The following NRXN1 variants were observed in gnomAD, a reference collection of about 807,000 sequenced individuals.
NRXN1 encodes neurexin 1, also known as neurexin-1.
In NRXN1, 39 loss-of-function variants were observed where a neutral mutation model predicts 150.9. The observed-to-expected ratio is 0.26, with a 90% confidence interval of 0.20 to 0.34. The LOEUF (loss-of-function observed/expected upper bound fraction) is 0.34, where lower values mean the gene tolerates loss of function less well. Among genes scored for constraint, NRXN1 ranks in the 10% least tolerant of loss-of-function variants. The pLI is 1.00. For missense variants in NRXN1, 1,815 were observed against 1,949.9 expected (o/e 0.93, Z 1.30); for synonymous variants, 924 against 757.0 (o/e 1.22, Z -3.62).
At chr2:50,428,451 G>A (rs2084680818) in intron 17 of NRXN1, among the ~76,000 whole-genome samples, 1 of 152,050 alleles carries the variant, frequency 6.6e-6, no homozygotes, top group African/African-American at 2.4e-5. Context: ...ACAAAATATG[G>A]TACACATTTT....
chr2:50,062,826 T>C (rs769359279), intron 19 of NRXN1, among the ~76,000 whole-genome samples: 4 of 152,162 alleles, frequency 2.6e-5, no homozygotes, highest in Non-Finnish European at 5.9e-5. Context: ...GCATTTGATA[T>C]GACATATTAA....
At chr2:50,066,753 C>A (rs56088150) in intron 19 of NRXN1, among the ~76,000 whole-genome samples, 1 of 152,024 alleles carries the variant, frequency 6.6e-6, no homozygotes, top group Non-Finnish European at 1.5e-5. Flanking sequence ...CACTGAAAAT[C>A]GGCAAGAATT....
intron 5 of NRXN1, among the ~76,000 whole-genome samples, chr2:50,667,723 T>G (rs1215405847): frequency 6.6e-6 from 1 of 152,000 alleles, no homozygotes; most frequent in Non-Finnish European, 1.5e-5. Flanking sequence ...ACTGTATCCC[T>G]TCTTATCTTT....
In NRXN1 at chr2:50,273,146, G is replaced by T. The variant is rs1273116570; in HGVS notation, c.3365-36176C>A. On this transcript the variant is annotated intron_variant, in intron 17 of 22. Transcript: ENST00000401669. ...CAAATATTGAAAAGATTGACAGAGA[G>T]CGTTGGGCAACTCTCAACACTGTTC... Among the ~76,000 whole-genome samples the T allele has an allele frequency of 2.0e-5, 3 of 152,170 alleles. No individual in the cohort carries two copies. The South Asian group carries it at 6.2e-4, about 31-fold the overall frequency.
In NRXN1 at chr2:50,803,013, G is replaced by T. The variant is rs1479244634; in HGVS notation, c.832+118856C>A. ...CAACTATGAAATGATAGTTTCTTTT[G>T]CTGTAAGTCACCCAGCTTTTGGTAC... On this transcript the variant is annotated intron_variant, in intron 5 of 22. Coordinates refer to ENST00000401669, the MANE Select transcript of NRXN1 (RefSeq NM_001330078.2). 3.9e-5 allele frequency among the ~76,000 whole-genome samples: 6 copies of T among 152,218 alleles called. No individual in the cohort carries two copies. The East Asian group carries it at 1.2e-3, about 29-fold the overall frequency.
At chr2:50,403,872 T>A (rs962520972) in intron 17 of NRXN1, among the ~76,000 whole-genome samples, 7 of 152,108 alleles carry the variant, frequency 4.6e-5, no homozygotes, top group African/African-American at 7.2e-5. Context: ...GGGCCGTAGC[T>A]TCCATTAAAA....
chr2:50,929,057 T>C (rs1489114656), intron 2 of NRXN1, among the ~76,000 whole-genome samples: 1 of 152,056 alleles, frequency 6.6e-6, no homozygotes, highest in African/African-American at 2.4e-5. Context: ...ATGCTATGAA[T>C]AATGGCTGTG....
At chr2:50,472,556 T>C (rs2089601999) in intron 15 of NRXN1, 85 bp from the exon 16 acceptor site, 2 of 1,048,584 alleles carry the variant, frequency 1.9e-6, no homozygotes, top group South Asian at 1.7e-5. Flanking sequence ...AACAGGGAGG[T>C]TTATTTTTCA....
At chr2:50,113,825 C>A (rs992049532) in intron 18 of NRXN1, among the ~76,000 whole-genome samples, 4 of 152,118 alleles carry the variant, frequency 2.6e-5, no homozygotes, top group African/African-American at 9.7e-5. Context: ...ATGAAACTCC[C>A]AAGTTTCAGT....
chr2:50,276,235 A>G (rs2070446643), intron 17 of NRXN1, among the ~76,000 whole-genome samples: 1 of 152,060 alleles, frequency 6.6e-6, no homozygotes, highest in African/African-American at 2.4e-5. Flanking sequence ...TCACCTTATC[A>G]AAACCACACA....
At chr2:50,178,104 A>G (rs1048668418) in intron 18 of NRXN1, among the ~76,000 whole-genome samples, 7 of 152,070 alleles carry the variant, frequency 4.6e-5, no homozygotes, top group African/African-American at 1.4e-4. Context: ...TGTGTTTCAG[A>G]TTAGGGTAGT....
Position 51,023,512 on chromosome 2 carries a change from T to C in NRXN1, c.772+3990A>G, listed in dbSNP as rs148279726. Among the ~76,000 whole-genome samples the C allele has an allele frequency of 5.3e-4, 80 of 152,298 alleles. No homozygotes were observed. The East Asian group carries it at 0.015, about 29-fold the overall frequency. ...CTTAATTTGGTTAATTCTTTCTCAC[T>C]TTTTCAGATTTCAGTTTAATAATCA... On this transcript the variant is annotated intron_variant, in intron 2 of 22. Transcript: ENST00000401669.
At chr2:50,392,824 TA>T (rs1437250770) in intron 17 of NRXN1, among the ~76,000 whole-genome samples, 1 of 152,074 alleles carries the variant, frequency 6.6e-6, no homozygotes, top group Non-Finnish European at 1.5e-5. Flanking sequence ...GGTAGTGTAT[TA>T]AAAGCAAAAT....
intron 17 of NRXN1, among the ~76,000 whole-genome samples, chr2:50,418,906 T>C (rs1430631184): frequency 2.0e-5 from 3 of 152,086 alleles, no homozygotes; most frequent in African/African-American, 4.8e-5. Context: ...ATTTTTATCA[T>C]ATTTAAGTTA....
rs549011657 is a variant in NRXN1, at chr2:50,510,803, T to C, written c.2375-4186A>G. ...AAAATGTGTTTTCCACAGAAAATGA[T>C]CTGCAAGTAGTGTAAGAGGTACAAC... On this transcript the variant is annotated intron_variant, in intron 12 of 22. Transcript: ENST00000401669. Among the ~76,000 whole-genome samples the C allele has an allele frequency of 7.5e-4, 114 of 152,280 alleles. 1 individual carries two copies. The highest frequency in any genetic ancestry group is 1.4e-3 in the Non-Finnish European group (98 of 68,018).
chr2:50,875,800 C>A (rs1678501970), intron 5 of NRXN1, among the ~76,000 whole-genome samples: 1 of 151,690 alleles, frequency 6.6e-6, no homozygotes, highest in Non-Finnish European at 1.5e-5. Flanking sequence ...AAATAACACC[C>A]CAGTTAATTT....
intron 17 of NRXN1, among the ~76,000 whole-genome samples, chr2:50,290,098 C>G (rs992919790): frequency 6.6e-6 from 1 of 152,116 alleles, no homozygotes; most frequent in African/African-American, 2.4e-5. Flanking sequence ...GACATTTTAT[C>G]TACTTCAGAC....
At chr2:49,938,789 C>T (rs117966302) in intron 22 of NRXN1, among the ~76,000 whole-genome samples, 2 of 152,302 alleles carry the variant, frequency 1.3e-5, no homozygotes, top group East Asian at 3.9e-4. Flanking sequence ...GGAGCTACTA[C>T]AGCAAAGAGG....
chr2:50,982,225 A>G (rs1330317968), intron 2 of NRXN1, among the ~76,000 whole-genome samples: 2 of 152,140 alleles, frequency 1.3e-5, no homozygotes, highest in Non-Finnish European at 2.9e-5. Flanking sequence ...AGCTAAAAAC[A>G]TTACTTTATA....
Sources: gnomAD v4.1 joint callset for allele counts (sites outside exome capture counted in the v4.1 genomes callset) on GRCh38, gnomAD v4.1.1 for gene constraint, MANE v1.5 for transcripts, NCBI Gene and HGNC (gene_info 2026-07-23, HGNC 2026-07-21) for gene names.